G3BP1: variants seen among roughly 807,000 people sequenced by gnomAD.
G3BP1 encodes ras GTPase-activating protein-binding protein 1.
A neutral mutation model predicts 58.6 loss-of-function variants in G3BP1; 35 were observed. The ratio of observed to expected loss-of-function variants is 0.60; its 90% CI spans 0.46 to 0.79. The LOEUF (loss-of-function observed/expected upper bound fraction) is 0.79. G3BP1 is among the 30% of genes least tolerant of loss of function. The pLI is 0.00. For synonymous variants in G3BP1, 191 were observed against 195.4 expected (o/e 0.98, Z 0.19); for missense variants, 523 against 580.8 (o/e 0.90, Z 1.02).
chr5:151,774,263 C>T (rs1762328232), intron 1 of G3BP1, among the ~76,000 whole-genome samples: 1 of 152,102 alleles, frequency 6.6e-6, no homozygotes, highest in African/African-American at 2.4e-5. Flanking sequence ...TGAGCTGACA[C>T]TGCACCAGGG....
In G3BP1 at chr5:151,785,838, T is replaced by C. The variant is rs13342984; in HGVS notation, c.-49-734T>C. On this transcript the variant is annotated intron_variant, in intron 1 of 11. Coordinates refer to ENST00000356245, the MANE Select transcript of G3BP1 (RefSeq NM_005754.3). ...TGTAGTTTCTTTTTAAAAGATGCTA[T>C]ACTAAAAGTTTATCTGATTTAGATG... is the stretch of plus-strand genomic sequence containing the variant. Among the ~76,000 whole-genome samples the C allele has an allele frequency of 2.1e-3, 322 of 152,366 alleles. 1 individual carries two copies. The highest frequency in any genetic ancestry group is 7.5e-3 in the African/African-American group (312 of 41,578).
intron 5 of G3BP1, among the ~76,000 whole-genome samples, chr5:151,794,695 C>T (rs1049762284): frequency 6.6e-6 from 1 of 152,154 alleles, no homozygotes; most frequent in African/African-American, 2.4e-5. Context: ...TATAAATGTT[C>T]TTGAAAGACA....
At position 151,806,115 on chromosome 5, in the gene G3BP1, A is replaced by C. The variant is rs1422287203; in HGVS notation, c.*2024A>C. The C allele has an allele frequency of 6.6e-6, 1 of 152,186 alleles. No individual in the cohort carries two copies. The highest frequency in any genetic ancestry group is 2.1e-4 in the South Asian group (1 of 4,832). The allele number at this position is 152,186 out of a possible 1,614,324, so 9.4% of individuals were successfully genotyped here. A position where few individuals can be genotyped will look rare whatever the true frequency, so the allele number is the denominator to read the frequency against. ...TTATTGGGTGGGGTCTAAGGATACC[A>C]AATGTTGTGTAAAAATGAAGCAACC... On this transcript the variant is annotated 3_prime_UTR_variant, in exon 12 of 12. Transcript: ENST00000356245.
In G3BP1 at chr5:151,812,349, C is replaced by T. The variant is rs1480669492; in HGVS notation, c.*8258C>T. ...GGAAGTTCGTATCTAACTTTTACCC[C>T]TTGTGTGTCATGATACATTTAAGTT... On this transcript the variant is annotated 3_prime_UTR_variant, in exon 12 of 12. Coordinates refer to ENST00000356245, the MANE Select transcript of G3BP1 (RefSeq NM_005754.3). 6.6e-6 allele frequency: 1 copy of T among 152,152 alleles called. No individual in the cohort carries two copies. The highest frequency in any genetic ancestry group is 1.5e-5 in the Non-Finnish European group (1 of 68,026). 9.4% of individuals were successfully genotyped at this position (152,152 alleles called of 1,614,324 possible).
At chr5:151,779,293 T>C (rs150375596) in intron 1 of G3BP1, among the ~76,000 whole-genome samples, 1 of 152,262 alleles carries the variant, frequency 6.6e-6, no homozygotes, top group African/African-American at 2.4e-5. Flanking sequence ...TTTTACACTT[T>C]GATTACACTG....
Position 151,803,993 on chromosome 5 carries a change from C to G in G3BP1, c.1303C>G (p.Arg435Gly). The change falls in exon 12 of 12, where the codon CGA becomes GGA. Residue 435 changes from arginine (R) to glycine (G), a missense_variant. This residue lies in a region of G3BP1 where 125 missense variants were observed against 181.7 expected (regional missense o/e 0.69). Coordinates refer to ENST00000356245, the MANE Select transcript of G3BP1 (RefSeq NM_005754.3). ...DNRLRGPGGP[R>G]GGLGGGMRGP... is the part of the protein sequence containing the mutation. Reference sequence around the variant, plus strand: ...TCGCCTTCGGGGACCTGGAGGCCCTCGAGGTGGGCTGGGTGGTGGAATGAG... The same window carrying G: ...TCGCCTTCGGGGACCTGGAGGCCCTGGAGGTGGGCTGGGTGGTGGAATGAG... 1 of 1,613,458 alleles carries G rather than the reference C, an allele frequency of 6.2e-7. No homozygotes were observed.
In G3BP1 at chr5:151,805,890, A is replaced by G. The variant is rs1405294266; in HGVS notation, c.*1799A>G. ...ATTACTTTGTGGTAACTTCAAGGTC[A>G]TAAATTATGGATAGCCTAGAAATTA... is the stretch of plus-strand genomic sequence containing the variant. On this transcript the variant is annotated 3_prime_UTR_variant, in exon 12 of 12. Transcript: ENST00000356245. 6.6e-6 allele frequency: 1 copy of G among 152,368 alleles called. No homozygotes were observed. The highest frequency in any genetic ancestry group is 6.5e-5 in the Admixed American group (1 of 15,308). The allele number at this position is 152,368 out of a possible 1,614,324, so 9.4% of individuals were successfully genotyped here.
In G3BP1 at chr5:151,791,080, T is replaced by G. The variant is rs1323429097; in HGVS notation, c.351+18T>G. 2 of 1,580,120 alleles carry G rather than the reference T, an allele frequency of 1.3e-6. No homozygotes were observed. Among genetic ancestry groups the G allele is most frequent in the Admixed American group, 1.7e-5 (1 of 59,970 alleles). On this transcript the variant is annotated intron_variant, in intron 4 of 11. Coordinates refer to ENST00000356245, the MANE Select transcript of G3BP1 (RefSeq NM_005754.3). ...CTCCTGAGGTATGTGTAGGAATGAT[T>G]ATTTTGTAGTGATCCAATACATGAA... is the stretch of plus-strand genomic sequence containing the variant.
rs143180259 is a variant in G3BP1 at position 151,782,692 on chromosome 5, TC to T, written c.-49-3879del. Among the ~76,000 whole-genome samples the T allele has an allele frequency of 9.0e-3, 1,370 of 152,192 alleles. 15 individuals are homozygous for T. The highest frequency in any genetic ancestry group is 0.03 in the African/African-American group (1,232 of 41,518). ...TCTTGGAAATTTTTAGCATATATTT[TC>T]TTTTTTTTCCCCTCTGATATTAGCA... is the stretch of plus-strand genomic sequence containing the variant. On this transcript the variant is annotated intron_variant, in intron 1 of 11. Coordinates refer to ENST00000356245, the MANE Select transcript of G3BP1 (RefSeq NM_005754.3).
chr5:151,781,702 A>G (rs1762474473), intron 1 of G3BP1, among the ~76,000 whole-genome samples: 1 of 152,268 alleles, frequency 6.6e-6, no homozygotes, highest in Admixed American at 6.5e-5. Context: ...TCTTTTAAAC[A>G]GACAGCATAA....
intron 1 of G3BP1, 90 bp from the exon 2 acceptor site, chr5:151,786,482 C>T: frequency 1.5e-6 from 1 of 667,096 alleles, no homozygotes; most frequent in Admixed American, 2.4e-5. Context: ...GATGTTTGTT[C>T]ATGTTTTAAA....
chr5:151,811,843 T>C lies in G3BP1; in HGVS notation c.*7752T>C, dbSNP rs1763022846. 1 of 152,172 alleles carries C rather than the reference T, an allele frequency of 6.6e-6. No individual in the cohort carries two copies. The highest frequency in any genetic ancestry group is 1.5e-5 in the Non-Finnish European group (1 of 68,018). The allele number at this position is 152,172 out of a possible 1,614,324, so 9.4% of individuals were successfully genotyped here. On this transcript the variant is annotated 3_prime_UTR_variant, in exon 12 of 12. Coordinates refer to ENST00000356245, the MANE Select transcript of G3BP1 (RefSeq NM_005754.3). ...ACTGCAGCATTAAGGCCATACCAAG[T>C]TTATACATATATACAAAGAAATTTC...
At position 151,806,567 on chromosome 5, in the gene G3BP1, A is replaced by G. The variant is rs1336477540; in HGVS notation, c.*2476A>G. On this transcript the variant is annotated 3_prime_UTR_variant, in exon 12 of 12. Coordinates refer to ENST00000356245, the MANE Select transcript of G3BP1 (RefSeq NM_005754.3). ...CAGAACTGTTGAGAATCCTTGTACA[A>G]TTATGTACATTATTGCATGTAGAGT... The G allele has an allele frequency of 2.0e-5, 3 of 152,210 alleles. No individual in the cohort carries two copies. Among genetic ancestry groups the G allele is most frequent in the Non-Finnish European group, 2.9e-5 (2 of 68,046 alleles). The allele number at this position is 152,210 out of a possible 1,614,324, so 9.4% of individuals were successfully genotyped here. A position where few individuals can be genotyped will look rare whatever the true frequency, so the allele number is the denominator to read the frequency against.
rs919979496 is a variant in G3BP1, at chr5:151,812,538, A to T, written c.*8447A>T. On this transcript the variant is annotated 3_prime_UTR_variant, in exon 12 of 12. Coordinates refer to ENST00000356245, the MANE Select transcript of G3BP1 (RefSeq NM_005754.3). ...CAAAATGGGGAAAACATGAAGGGCA[A>T]GTCCTTTGGGGATGACTTCTAATTA... is the stretch of plus-strand genomic sequence containing the variant. 6.6e-6 allele frequency: 1 copy of T among 152,224 alleles called. No individual in the cohort carries two copies. Among genetic ancestry groups the T allele is most frequent in the Non-Finnish European group, 1.5e-5 (1 of 68,036 alleles). 9.4% of individuals were successfully genotyped at this position (152,224 alleles called of 1,614,324 possible).
chr5:151,805,505 C>T lies in G3BP1; in HGVS notation c.*1414C>T, dbSNP rs1561539237. ...AGGGCAACCAGGTTGTAAAATTCAG[C>T]GTATTTATTTTCTTAACAGTATTCA... is the stretch of plus-strand genomic sequence containing the variant. On this transcript the variant is annotated 3_prime_UTR_variant, in exon 12 of 12. Coordinates refer to ENST00000356245, the MANE Select transcript of G3BP1 (RefSeq NM_005754.3). 1.3e-5 allele frequency: 2 copies of T among 152,136 alleles called. No homozygotes were observed. The highest frequency in any genetic ancestry group is 2.9e-5 in the Non-Finnish European group (2 of 68,028). The allele number at this position is 152,136 out of a possible 1,614,324, so 9.4% of individuals were successfully genotyped here. A position where few individuals can be genotyped will look rare whatever the true frequency, so the allele number is the denominator to read the frequency against.
At chr5:151,780,351 C>T (rs1265910964) in intron 1 of G3BP1, among the ~76,000 whole-genome samples, 2 of 152,042 alleles carry the variant, frequency 1.3e-5, no homozygotes, top group African/African-American at 4.8e-5. Flanking sequence ...ATTATATTTT[C>T]TTACTATAAA....
intron 11 of G3BP1, among the ~76,000 whole-genome samples, chr5:151,802,833 T>C (rs974990461): frequency 1.3e-5 from 2 of 152,144 alleles, no homozygotes; most frequent in Non-Finnish European, 2.9e-5. Flanking sequence ...CTCGGGAGAC[T>C]GAGGCAGGAG....
chr5:151,798,104 T>A (rs1487053593), intron 7 of G3BP1, among the ~76,000 whole-genome samples: 1 of 152,236 alleles, frequency 6.6e-6, no homozygotes, highest in African/African-American at 2.4e-5. Flanking sequence ...GTAGGTTTTA[T>A]ATTGGCAAAA....
At chr5:151,795,890 ATGCTT>A (rs1762740512) in intron 6 of G3BP1, among the ~76,000 whole-genome samples, 1 of 152,206 alleles carries the variant, frequency 6.6e-6, no homozygotes, top group Non-Finnish European at 1.5e-5. Context: ...GAGGTATTAA[ATGCTT>A]TGAGGGAATA....
Sources: gnomAD v4.1 joint callset for allele counts (sites outside exome capture counted in the v4.1 genomes callset) on GRCh38, gnomAD v4.1.1 for gene constraint, gnomAD v4.1.1 regional missense constraint, MANE v1.5 for transcripts, NCBI Gene and HGNC (gene_info 2026-07-23, HGNC 2026-07-21) for gene names.